Variants in RMST observed in about 807,000 individuals in gnomAD.
RMST encodes rhabdomyosarcoma 2 associated transcript, also known as long intergenic non-protein coding RNA 54.
At chr12:97,495,033 G>A (rs1877236169) in intron 9 of RMST, among the ~76,000 whole-genome samples, 2 of 151,832 alleles carry the variant, frequency 1.3e-5, no homozygotes, top group South Asian at 2.1e-4. Flanking sequence ...CCTAAAAGCC[G>A]GGCTACTGAA....
intron 5 of RMST, among the ~76,000 whole-genome samples, chr12:97,488,037 A>G (rs949520779): frequency 2.0e-5 from 3 of 152,188 alleles, no homozygotes; most frequent in Non-Finnish European, 4.4e-5. Context: ...TCTCTGGGAC[A>G]TGCCATCCCC....
chr12:97,539,103 T>C (rs1882308553), intron 11 of RMST, among the ~76,000 whole-genome samples: 1 of 151,580 alleles, frequency 6.6e-6, no homozygotes, highest in South Asian at 2.1e-4. Context: ...AATTTCAGTA[T>C]TTTAAAAATA....
At chr12:97,465,055 G>A (rs566157815) in intron 4 of RMST, 2 of 152,230 alleles carry the variant, frequency 1.3e-5, no homozygotes, top group African/African-American at 4.8e-5. Flanking sequence ...AGCTCTAGGT[G>A]GATTGACTAT....
chr12:97,473,162 T>A (rs946314753), intron 5 of RMST, among the ~76,000 whole-genome samples: 2 of 152,098 alleles, frequency 1.3e-5, no homozygotes, highest in African/African-American at 4.8e-5. Flanking sequence ...GTTCAGATTA[T>A]TTGTTGTGAG....
intron 4 of RMST, chr12:97,465,603 T>A (rs745422956): frequency 2.6e-5 from 4 of 152,142 alleles, no homozygotes; most frequent in Non-Finnish European, 5.9e-5. Context: ...TCGAGTGAGA[T>A]TGTGGCTTTG....
intron 10 of RMST, among the ~76,000 whole-genome samples, chr12:97,511,532 A>G (rs187620060): frequency 1.1e-3 from 165 of 152,266 alleles, no homozygotes; most frequent in African/African-American, 3.7e-3. Context: ...CAATTTTCTA[A>G]AAAGAACTGC....
chr12:97,496,970 C>T (rs1021976178), intron 10 of RMST, among the ~76,000 whole-genome samples: 13 of 152,282 alleles, frequency 8.5e-5, no homozygotes, highest in South Asian at 4.1e-4. Flanking sequence ...AATATCATAA[C>T]TCATTTTATG....
At chr12:97,511,717 G>A (rs1037472126) in intron 10 of RMST, among the ~76,000 whole-genome samples, 6 of 152,122 alleles carry the variant, frequency 3.9e-5, no homozygotes, top group African/African-American at 9.7e-5. Context: ...ACTAATTACA[G>A]CAGCATTAAA....
At chr12:97,487,816 G>T (rs1273414541) in intron 5 of RMST, among the ~76,000 whole-genome samples, 2 of 152,228 alleles carry the variant, frequency 1.3e-5, no homozygotes, top group Non-Finnish European at 2.9e-5. Context: ...TCCCCCGGTT[G>T]TCTGTGCCAG....
At chr12:97,508,886 A>G (rs926109834) in intron 10 of RMST, among the ~76,000 whole-genome samples, 2 of 152,198 alleles carry the variant, frequency 1.3e-5, no homozygotes, top group African/African-American at 4.8e-5. Context: ...TTTTACTACA[A>G]TCGTGGAGGT....
At chr12:97,534,132 A>G (rs553550247) in intron 11 of RMST, among the ~76,000 whole-genome samples, 1 of 151,944 alleles carries the variant, frequency 6.6e-6, no homozygotes, top group African/African-American at 2.4e-5. Context: ...GTGTTCAACC[A>G]TAAATTGTAA....
intron 13 of RMST, chr12:97,563,894 A>G (rs1884328037): frequency 2.0e-6 from 1 of 510,336 alleles, no homozygotes; most frequent in African/African-American, 1.9e-5. Flanking sequence ...AAGCCATGAA[A>G]TACATTGTGA....
At chr12:97,528,526 A>G (rs1881333688) in intron 10 of RMST, among the ~76,000 whole-genome samples, 1 of 152,092 alleles carries the variant, frequency 6.6e-6, no homozygotes, top group Non-Finnish European at 1.5e-5. Flanking sequence ...ACTCATTCTA[A>G]CTCCCTGAAT....
chr12:97,500,608 C>T (rs182059479), intron 10 of RMST, among the ~76,000 whole-genome samples: 1 of 152,306 alleles, frequency 6.6e-6, no homozygotes, highest in East Asian at 1.9e-4. Flanking sequence ...AAACTGAGGG[C>T]CGTCTGACAC....
chr12:97,555,560 G>T (rs756607452), intron 11 of RMST, among the ~76,000 whole-genome samples: 1 of 152,154 alleles, frequency 6.6e-6, no homozygotes, highest in Non-Finnish European at 1.5e-5. Context: ...TCAGCCCTCC[G>T]TGAAGTTGGT....
intron 11 of RMST, among the ~76,000 whole-genome samples, chr12:97,541,738 A>G (rs1882553971): frequency 6.6e-6 from 1 of 151,422 alleles, no homozygotes; most frequent in East Asian, 1.9e-4. Flanking sequence ...AAGAAAAAGA[A>G]AAAGAAAAAG....
At chr12:97,498,930 A>T (rs1274205630) in intron 10 of RMST, among the ~76,000 whole-genome samples, 1 of 152,154 alleles carries the variant, frequency 6.6e-6, no homozygotes, top group African/African-American at 2.4e-5. Flanking sequence ...AGCTGGAGAC[A>T]TTTGTCTGAC....
intron 5 of RMST, among the ~76,000 whole-genome samples, chr12:97,468,733 A>G (rs943181191): frequency 6.6e-6 from 1 of 152,088 alleles, no homozygotes; most frequent in Non-Finnish European, 1.5e-5. Flanking sequence ...AACATGCAGA[A>G]TTTCCAGAAA....
intron 5 of RMST, among the ~76,000 whole-genome samples, chr12:97,470,286 G>A (rs1212963427): frequency 6.6e-6 from 1 of 152,054 alleles, no homozygotes; most frequent in African/African-American, 2.4e-5. Flanking sequence ...CTGACATACT[G>A]GCTAAGAGTT....
Sources: allele counts gnomAD v4.1 joint callset (sites outside exome capture counted in the v4.1 genomes callset), GRCh38; gene constraint gnomAD v4.1.1; transcripts MANE v1.5; gene names NCBI Gene and HGNC (gene_info 2026-07-23, HGNC 2026-07-21).